The following ADAMTSL1 variants were observed in gnomAD, a reference collection of about 807,000 sequenced individuals.
ADAMTSL1 encodes ADAMTS like 1, also known as ADAMTS-like protein 1.
A neutral mutation model predicts 201.8 loss-of-function variants in ADAMTSL1; 126 were observed. The ratio of observed to expected loss-of-function variants is 0.62; its 90% confidence interval spans 0.54 to 0.72. ADAMTSL1 has a LOEUF of 0.72. ADAMTSL1 is among the 30% of genes least tolerant of loss of function. The pLI, the probability that ADAMTSL1 is intolerant of heterozygous loss-of-function variation, is 0.00. For synonymous variants in ADAMTSL1, 1,121 were observed against 903.4 expected (o/e 1.24, Z -4.32); for missense variants, 2,679 against 2,277.8 (o/e 1.18, Z -3.59).
chr9:18,721,480 C>T (rs1833366372), intron 14 of ADAMTSL1, 56 bp from the exon 15 acceptor site: 1 of 1,593,616 alleles, frequency 6.3e-7, no homozygotes, highest in African/African-American at 1.3e-5. Flanking sequence ...CACTTCATCA[C>T]CCCCCACACA....
chr9:18,272,753 C>T (rs1175479160), intron 2 of ADAMTSL1, among the ~76,000 whole-genome samples: 5 of 152,176 alleles, frequency 3.3e-5, no homozygotes, highest in African/African-American at 1.2e-4. Flanking sequence ...GCTCATCTCT[C>T]TTCAGCAGAC....
At chr9:18,903,761 C>CTCAAG (rs1477976721) in intron 26 of ADAMTSL1, among the ~76,000 whole-genome samples, 2 of 151,858 alleles carry the variant, frequency 1.3e-5, no homozygotes, top group Non-Finnish European at 1.5e-5. Context: ...TCCACACAAA[C>CTCAAG]TCAAGTCCTG....
intron 1 of ADAMTSL1, among the ~76,000 whole-genome samples, chr9:18,076,558 C>A (rs1226927872): frequency 6.6e-6 from 1 of 152,148 alleles, no homozygotes; most frequent in Non-Finnish European, 1.5e-5. Context: ...AGGAAGCTGT[C>A]TTGAGAAAGA....
chr9:18,021,474 T>C (rs2131583810), intron 1 of ADAMTSL1, among the ~76,000 whole-genome samples: 1 of 152,272 alleles, frequency 6.6e-6, no homozygotes, highest in East Asian at 1.9e-4. Flanking sequence ...CTGCTAACAT[T>C]ACTAATTGTA....
intron 23 of ADAMTSL1, among the ~76,000 whole-genome samples, chr9:18,848,313 T>C (rs960909697): frequency 2.0e-5 from 3 of 152,256 alleles, no homozygotes; most frequent in Admixed American, 2.0e-4. Flanking sequence ...GAGGAGATTT[T>C]ACAAGTTACT....
At chr9:18,221,066 T>C (rs369158205) in intron 2 of ADAMTSL1, among the ~76,000 whole-genome samples, 4 of 152,278 alleles carry the variant, frequency 2.6e-5, no homozygotes, top group Non-Finnish European at 5.9e-5. Context: ...TGAGTCGCCA[T>C]GCCCAGCCCG....
At chr9:18,775,939 A>G (rs760711143) in intron 18 of ADAMTSL1, 43 bp downstream of exon 18, 2 of 1,563,212 alleles carry the variant, frequency 1.3e-6, no homozygotes, top group Non-Finnish European at 1.7e-6. Context: ...TGAAACCCAC[A>G]CAGCAGCAGC....
intron 2 of ADAMTSL1, among the ~76,000 whole-genome samples, chr9:18,257,187 A>C (rs1200293931): frequency 1.3e-5 from 2 of 152,244 alleles, no homozygotes; most frequent in African/African-American, 4.8e-5. Context: ...ACAATTCTTT[A>C]AATTTTCATA....
At chr9:18,307,571 A>G (rs1389094590) in intron 2 of ADAMTSL1, among the ~76,000 whole-genome samples, 1 of 152,158 alleles carries the variant, frequency 6.6e-6, no homozygotes, top group Non-Finnish European at 1.5e-5. Context: ...CAGACTTTAA[A>G]CCAAAAAAGA....
chr9:18,802,097 G>C (rs1386517942), intron 20 of ADAMTSL1, among the ~76,000 whole-genome samples: 1 of 152,092 alleles, frequency 6.6e-6, no homozygotes, highest in South Asian at 2.1e-4. Context: ...GGGCAACAGA[G>C]AGAAATCCCA....
chr9:18,265,539 T>C (rs1018099749), intron 2 of ADAMTSL1, among the ~76,000 whole-genome samples: 3 of 152,214 alleles, frequency 2.0e-5, no homozygotes, highest in Admixed American at 6.5e-5. Flanking sequence ...TAACTATTTA[T>C]TGAATGACTG....
At chr9:17,978,618 C>G (rs1818552384) in intron 1 of ADAMTSL1, among the ~76,000 whole-genome samples, 3 of 152,004 alleles carry the variant, frequency 2.0e-5, no homozygotes, top group Non-Finnish European at 2.9e-5. Flanking sequence ...ATAAATTAAA[C>G]TTTTAAATAT....
intron 2 of ADAMTSL1, among the ~76,000 whole-genome samples, chr9:18,427,008 G>A (rs940330745): frequency 1.3e-5 from 2 of 152,116 alleles, no homozygotes; most frequent in Admixed American, 1.3e-4. Context: ...ATCCCACATA[G>A]CACCTTGCTC....
chr9:18,765,255 A>C (rs1820293923), intron 16 of ADAMTSL1, among the ~76,000 whole-genome samples: 1 of 152,220 alleles, frequency 6.6e-6, no homozygotes, highest in Admixed American at 6.5e-5. Context: ...CTACAAATTC[A>C]GCATCACTAG....
chr9:18,829,915 C>T lies in ADAMTSL1; in HGVS notation c.4187C>T (p.Ser1396Leu), dbSNP rs1824867479. ...LLAATGPNLPSVLTSPLGTQL... is the reference protein window; with the variant it reads ...LLAATGPNLPLVLTSPLGTQL... ...GCTGCCACTGGACCGAACCTTCCTT[C>T]AGTGCTGACGTCTCCTCTGGGAACA... Residue 1396 changes from serine to leucine, a missense_variant, in exon 23 of 29, where the codon TCA (serine) becomes TTA (leucine). Transcript: ENST00000380548. 3 of 1,613,960 alleles carry T rather than the reference C, an allele frequency of 1.9e-6. No homozygotes were observed. Among genetic ancestry groups the T allele is most frequent in the Non-Finnish European group, 2.5e-6 (3 of 1,179,878 alleles).
chr9:18,810,743 A>C (rs1823448778), intron 20 of ADAMTSL1, among the ~76,000 whole-genome samples: 1 of 152,182 alleles, frequency 6.6e-6, no homozygotes, highest in Non-Finnish European at 1.5e-5. Flanking sequence ...CAGCTGATAA[A>C]GGCCTATTAA....
chr9:18,564,633 G>A (rs1036428620), intron 3 of ADAMTSL1, among the ~76,000 whole-genome samples: 1 of 152,100 alleles, frequency 6.6e-6, no homozygotes, highest in Non-Finnish European at 1.5e-5. Context: ...TGAAAACAAA[G>A]CACTGTATAA....
chr9:18,113,671 A>G (rs1825124670), intron 1 of ADAMTSL1, among the ~76,000 whole-genome samples: 1 of 152,170 alleles, frequency 6.6e-6, no homozygotes, highest in African/African-American at 2.4e-5. Context: ...TGTTGACACC[A>G]TGGGAGTTAA....
chr9:17,966,922 C>T (rs1401676460), intron 1 of ADAMTSL1, among the ~76,000 whole-genome samples: 1 of 152,100 alleles, frequency 6.6e-6, no homozygotes, highest in African/African-American at 2.4e-5. Context: ...GATTTTCCAA[C>T]ATCTTTGAAA....
Sources: allele counts gnomAD v4.1 joint callset (sites outside exome capture counted in the v4.1 genomes callset), GRCh38; gene constraint gnomAD v4.1.1; transcripts MANE v1.5; gene names NCBI Gene and HGNC (gene_info 2026-07-23, HGNC 2026-07-21).